Variants in CDH18 observed in about 807,000 individuals in gnomAD.
CDH18 encodes the protein cadherin 18.
In CDH18, 31 loss-of-function variants were observed where a neutral mutation model predicts 67.9. The ratio of observed to expected loss-of-function variants is 0.46; its 90% CI spans 0.34 to 0.62. The LOEUF is 0.62. CDH18 is among the 20% of genes least tolerant of loss of function. The pLI is 0.01. For missense variants in CDH18, 890 were observed against 975.5 expected (o/e 0.91, Z 1.17); for synonymous variants, 362 against 347.2 (o/e 1.04, Z -0.48).
At chr5:19,703,620 G>A (rs533163117) in intron 5 of CDH18, among the ~76,000 whole-genome samples, 2 of 152,130 alleles carry the variant, frequency 1.3e-5, no homozygotes, top group South Asian at 2.1e-4. Flanking sequence ...GCAGTGCCTC[G>A]AGTGACTGCT....
chr5:19,984,754 T>C (rs1306631034), intron 1 of CDH18, among the ~76,000 whole-genome samples: 1 of 152,198 alleles, frequency 6.6e-6, no homozygotes, highest in African/African-American at 2.4e-5. Flanking sequence ...CAGACACGCA[T>C]GATGCGTTAA....
At chr5:20,117,032 T>A (rs1318290824) in intron 2 of CDH18, among the ~76,000 whole-genome samples, 3 of 141,378 alleles carry the variant, frequency 2.1e-5, no homozygotes, top group African/African-American at 5.3e-5. Context: ...TGTGTGTGAG[T>A]GTGTGTGTGT....
chr5:20,058,950 G>C (rs1382495636), intron 2 of CDH18, among the ~76,000 whole-genome samples: 1 of 152,068 alleles, frequency 6.6e-6, no homozygotes, highest in Non-Finnish European at 1.5e-5. Flanking sequence ...GCTTTTTTTG[G>C]TTGGTAAGCT....
intron 2 of CDH18, among the ~76,000 whole-genome samples, chr5:19,859,245 T>A (rs1257003867): frequency 6.6e-6 from 1 of 152,100 alleles, no homozygotes; most frequent in Non-Finnish European, 1.5e-5. Flanking sequence ...CCTTTGGAAT[T>A]CAGGCACAGT....
chr5:20,434,916 G>C (rs1749054521), intron 1 of CDH18, among the ~76,000 whole-genome samples: 1 of 152,060 alleles, frequency 6.6e-6, no homozygotes, highest in African/African-American at 2.4e-5. Context: ...GTTGGATCTT[G>C]CAGCAAGCAG....
At chr5:19,815,006 GC>G (rs1405523191) in intron 3 of CDH18, among the ~76,000 whole-genome samples, 10 of 151,984 alleles carry the variant, frequency 6.6e-5, no homozygotes, top group Admixed American at 5.2e-4. Context: ...CTTAGGAAAT[GC>G]TTTCATTAAA....
intron 5 of CDH18, among the ~76,000 whole-genome samples, chr5:19,626,702 A>G (rs1450755752): frequency 6.6e-6 from 1 of 152,080 alleles, no homozygotes; most frequent in African/African-American, 2.4e-5. Flanking sequence ...TAGTGAAAAA[A>G]AAAAAGATAA....
chr5:20,433,261 G>A (rs35483042), intron 1 of CDH18, among the ~76,000 whole-genome samples: 33,179 of 151,084 alleles, frequency 0.22, 3,778 homozygotes, highest in East Asian at 0.29. Context: ...TAATATATGT[G>A]TGTGTGTGTG....
intron 1 of CDH18, among the ~76,000 whole-genome samples, chr5:20,326,972 G>C (rs9292919): frequency 0.11 from 16,521 of 152,086 alleles, 1,459 homozygotes; most frequent in East Asian, 0.37. Flanking sequence ...TGAATGTACT[G>C]TGACCCTTGT....
At chr5:20,067,926 A>C (rs1479628285) in intron 2 of CDH18, among the ~76,000 whole-genome samples, 1 of 152,104 alleles carries the variant, frequency 6.6e-6, no homozygotes, top group African/African-American at 2.4e-5. Context: ...TTTGAAACTT[A>C]AGAAAATAAA....
intron 2 of CDH18, among the ~76,000 whole-genome samples, chr5:20,086,675 C>G (rs1744981615): frequency 1.3e-5 from 2 of 152,148 alleles, no homozygotes; most frequent in African/African-American, 4.8e-5. Context: ...ATAAATAAAA[C>G]AACAGAGCTG....
chr5:19,652,923 T>C (rs1412906585), intron 5 of CDH18, among the ~76,000 whole-genome samples: 1 of 152,098 alleles, frequency 6.6e-6, no homozygotes, highest in Non-Finnish European at 1.5e-5. Context: ...AATGGCTTCA[T>C]ATTGGAGGGT....
rs190271232 is a variant in CDH18, at chr5:19,543,826, T to G, written c.1390+43A>C. ...TTAAGGAAATTTCAGTATGTCTTCT[T>G]GTACAAGTGACATCTTTTACTGTGA... On this transcript the variant is annotated intron_variant, in intron 9 of 12. Transcript: ENST00000382275. The G allele has an allele frequency of 5.0e-3, 7,268 of 1,446,846 alleles. 25 individuals carry two copies. The highest frequency in any genetic ancestry group is 0.011 in the Middle Eastern group (57 of 5,370). 89.6% of individuals were successfully genotyped at this position (1,446,846 alleles called of 1,614,324 possible).
At chr5:20,064,531 C>G (rs1742799075) in intron 2 of CDH18, among the ~76,000 whole-genome samples, 1 of 152,012 alleles carries the variant, frequency 6.6e-6, no homozygotes, top group African/African-American at 2.4e-5. Context: ...TTTAAAATTG[C>G]TGTATGATTT....
chr5:19,943,340 G>A (rs1795003510), intron 2 of CDH18, among the ~76,000 whole-genome samples: 1 of 151,984 alleles, frequency 6.6e-6, no homozygotes, highest in Non-Finnish European at 1.5e-5. Flanking sequence ...ATCTATCTAA[G>A]TAATTCAGTT....
intron 2 of CDH18, among the ~76,000 whole-genome samples, chr5:19,939,419 T>C (rs1579699022): frequency 6.6e-6 from 1 of 151,714 alleles, no homozygotes; most frequent in Non-Finnish European, 1.5e-5. Context: ...ATTATATACT[T>C]ATTTAATTTC....
At chr5:19,507,964 C>T (rs1275860170) in intron 10 of CDH18, among the ~76,000 whole-genome samples, 2 of 151,602 alleles carry the variant, frequency 1.3e-5, no homozygotes, top group Non-Finnish European at 2.9e-5. Context: ...ATTTGATTAT[C>T]ATGTCTTGTT....
At chr5:19,922,846 C>T (rs575209388) in intron 2 of CDH18, among the ~76,000 whole-genome samples, 6 of 152,202 alleles carry the variant, frequency 3.9e-5, no homozygotes, top group African/African-American at 9.6e-5. Flanking sequence ...ATACTCAAGA[C>T]GCTCCTGCAT....
At position 19,472,788 on chromosome 5, in the gene CDH18, T is replaced by C. The variant is rs982460693; in HGVS notation, c.*438A>G. Among the ~76,000 whole-genome samples the C allele has an allele frequency of 7.9e-5, 12 of 152,098 alleles. No individual in the cohort carries two copies. Among genetic ancestry groups the C allele is most frequent in the African/African-American group, 2.9e-4 (12 of 41,428 alleles). On this transcript the variant is annotated 3_prime_UTR_variant, in exon 13 of 13. Coordinates refer to ENST00000382275, the MANE Select transcript of CDH18 (RefSeq NM_004934.5). Reference sequence around the variant, plus strand: ...CTCAAGGTTTCACCCAGAAAAGTGATAAAAGAGGTTGTGATTACCTTCACA... The same window carrying C: ...CTCAAGGTTTCACCCAGAAAAGTGACAAAAGAGGTTGTGATTACCTTCACA...
Sources: gnomAD v4.1 joint callset for allele counts (sites outside exome capture counted in the v4.1 genomes callset) on GRCh38, gnomAD v4.1.1 for gene constraint, MANE v1.5 for transcripts, NCBI Gene and HGNC (gene_info 2026-07-23, HGNC 2026-07-21) for gene names.